Variants in AHRR observed in about 807,000 individuals in gnomAD.
AHRR encodes the protein ahR repressor.
AHRR carries 28 observed loss-of-function variants against 44.0 expected under a neutral mutation model. The ratio of observed to expected loss-of-function variants is 0.64; its 90% CI spans 0.47 to 0.87. The LOEUF (loss-of-function observed/expected upper bound fraction) is 0.87, where lower values mean the gene tolerates loss of function less well. Ranked by LOEUF, AHRR falls within the 40% of genes least tolerant of loss-of-function variation. AHRR has a pLI of 0.00. For missense variants in AHRR, 990 were observed against 953.9 expected, an observed-to-expected ratio of 1.04 and a Z score of -0.50; for synonymous variants, 434 against 407.0, an observed-to-expected ratio of 1.07 and a Z score of -0.80.
intron 3 of AHRR, among the ~76,000 whole-genome samples, chr5:363,262 G>A (rs1440627085): frequency 6.6e-6 from 1 of 152,232 alleles, no homozygotes; most frequent in African/African-American, 2.4e-5. Flanking sequence ...TGGCATGGCA[G>A]AGAGCTGGCA....
chr5:346,776 C>T (rs1742692047), intron 2 of AHRR, among the ~76,000 whole-genome samples: 1 of 152,184 alleles, frequency 6.6e-6, no homozygotes, highest in African/African-American at 2.4e-5. Context: ...CAGGATGCTT[C>T]CACATCCCCC....
intron 5 of AHRR, among the ~76,000 whole-genome samples, chr5:416,573 G>A (rs752946376): frequency 2.0e-4 from 31 of 152,216 alleles, no homozygotes; most frequent in East Asian, 3.8e-4. Flanking sequence ...TGGGTCCCTC[G>A]TTCCCACAGA....
intron 1 of AHRR, among the ~76,000 whole-genome samples, chr5:329,284 G>A (rs1741834217): frequency 2.0e-5 from 3 of 152,138 alleles, no homozygotes; most frequent in South Asian, 2.1e-4. Flanking sequence ...CTGCAACCTC[G>A]AATTCCTGGG....
intron 3 of AHRR, 53 bp from the exon 4 acceptor site, chr5:376,557 A>AAGAACCGCGG: frequency 7.0e-7 from 1 of 1,423,184 alleles, no homozygotes; most frequent in Non-Finnish European, 9.5e-7. Flanking sequence ...AATGAAGAAG[A>AAGAACCGCGG]GTGGCCAGGC....
chr5:334,176 C>A (rs1160456258), intron 1 of AHRR, among the ~76,000 whole-genome samples: 1 of 152,162 alleles, frequency 6.6e-6, no homozygotes, highest in Non-Finnish European at 1.5e-5. Context: ...TGGACTGATT[C>A]ATGGTGCACT....
chr5:343,793 T>C, intron 1 of AHRR, 100 bp from the exon 2 acceptor site: 1 of 1,234,328 alleles, frequency 8.1e-7, no homozygotes, highest in South Asian at 1.4e-5. Flanking sequence ...GGGTCGCGGG[T>C]GTGGGGGCGC....
chr5:428,811 A>G (rs1308727972), intron 8 of AHRR, among the ~76,000 whole-genome samples: 1 of 152,234 alleles, frequency 6.6e-6, no homozygotes, highest in African/African-American at 2.4e-5. Flanking sequence ...ATCATCAGGC[A>G]TTAGATTCTC....
chr5:398,886 T>A (rs986024001), intron 4 of AHRR, among the ~76,000 whole-genome samples: 91 of 152,124 alleles, frequency 6.0e-4, no homozygotes, highest in African/African-American at 2.1e-3. Context: ...TCTGGGTGGA[T>A]TTTCCCCACC....
At chr5:385,677 A>C (rs749762335) in intron 4 of AHRR, among the ~76,000 whole-genome samples, 2 of 152,020 alleles carry the variant, frequency 1.3e-5, no homozygotes, top group Admixed American at 6.6e-5. Context: ...TTTATCTTTA[A>C]TTTTAATTTT....
At chr5:374,133 TGTGCGG>T (rs1743692918) in intron 3 of AHRR, among the ~76,000 whole-genome samples, 1 of 151,988 alleles carries the variant, frequency 6.6e-6, no homozygotes, top group Non-Finnish European at 1.5e-5. Context: ...GGTCGGTCTG[TGTGCGG>T]GTGACCCAGG....
rs1734281200 is a variant in AHRR, at chr5:388,863, G to A, written c.351+12147G>A. On this transcript the variant is annotated intron_variant, in intron 4 of 10. Coordinates refer to ENST00000684583, the MANE Select transcript of AHRR (RefSeq NM_001377236.1). This position sits in a 1 kb window ranked among gnomAD's most constrained non-coding sequence, Gnocchi z 5.2. ...AGTGTGGCTGGGCCAGATGCCTGAG[G>A]ACACAATGCTCATGACAAAAGCAGC... 2.0e-5 allele frequency among the ~76,000 whole-genome samples: 3 copies of A among 152,198 alleles called. No individual in the cohort carries two copies. Among genetic ancestry groups the A allele is most frequent in the African/African-American group, 7.2e-5 (3 of 41,436 alleles).
At chr5:382,985 A>G (rs1734044713) in intron 4 of AHRR, among the ~76,000 whole-genome samples, 1 of 152,122 alleles carries the variant, frequency 6.6e-6, no homozygotes, top group Non-Finnish European at 1.5e-5. Context: ...ATTTAGTTCA[A>G]AATGGTTTCT....
intron 8 of AHRR, among the ~76,000 whole-genome samples, chr5:430,612 A>C (rs983974807): frequency 6.6e-6 from 1 of 152,012 alleles, no homozygotes; most frequent in Non-Finnish European, 1.5e-5. Context: ...CTCACCTTTG[A>C]CCTCTTTCAG....
At chr5:396,869 G>A (rs1414438875) in intron 4 of AHRR, among the ~76,000 whole-genome samples, 3 of 151,948 alleles carry the variant, frequency 2.0e-5, no homozygotes, top group Non-Finnish European at 2.9e-5. Context: ...GCCCAGCTGG[G>A]TCAGAGTGCC....
intron 4 of AHRR, among the ~76,000 whole-genome samples, chr5:397,472 ATAGCCCCTGACCATCCACG>A (rs1560907084): frequency 2.1e-4 from 8 of 37,776 alleles, no homozygotes; most frequent in African/African-American, 4.5e-4. Context: ...GACCATCCAC[ATAGCCCCTGACCATCCACG>A]TAGCCCCTGA....
intron 8 of AHRR, among the ~76,000 whole-genome samples, chr5:431,378 C>T (rs1198338150): frequency 2.0e-5 from 3 of 152,302 alleles, no homozygotes; most frequent in South Asian, 2.1e-4. Context: ...GGGAAGAAAA[C>T]TTGCCAAACC....
At chr5:348,332 CCTT>C (rs1305401939) in intron 2 of AHRR, among the ~76,000 whole-genome samples, 3 of 150,006 alleles carry the variant, frequency 2.0e-5, no homozygotes, top group Admixed American at 1.3e-4. Context: ...TTCCCCCCCT[CCTT>C]TTTTTTTTTT....
intron 3 of AHRR, among the ~76,000 whole-genome samples, chr5:369,292 T>C (rs1294384428): frequency 6.6e-6 from 1 of 152,210 alleles, no homozygotes; most frequent in East Asian, 1.9e-4. Flanking sequence ...TCCCTCTTCC[T>C]GGGCATTCTG....
chr5:355,353 G>A (rs548510669), intron 3 of AHRR, among the ~76,000 whole-genome samples: 1 of 152,296 alleles, frequency 6.6e-6, no homozygotes, highest in African/African-American at 2.4e-5. Flanking sequence ...TTTGCCTTCT[G>A]GGACACGCCT....
Sources: allele counts gnomAD v4.1 joint callset (sites outside exome capture counted in the v4.1 genomes callset), GRCh38; gene constraint gnomAD v4.1.1; non-coding constraint Gnocchi (gnomAD v3.1); transcripts MANE v1.5; gene names NCBI Gene and HGNC (gene_info 2026-07-23, HGNC 2026-07-21).